IQSEC1: variants seen among roughly 807,000 people sequenced by gnomAD.
IQSEC1 encodes IQ motif and SEC7 domain-containing protein 1.
A neutral mutation model predicts 91.0 loss-of-function variants in IQSEC1; 31 were observed. The observed-to-expected ratio is 0.34, with a 90% CI of 0.26 to 0.46. IQSEC1 has a LOEUF of 0.46. IQSEC1 is among the 20% of genes least tolerant of loss of function. The probability of loss-of-function intolerance (pLI) is 1.00; values close to 1 mark genes in which losing one functional copy is unlikely to be tolerated. For missense variants in IQSEC1, 1,388 were observed against 1,575.6 expected, an observed-to-expected ratio of 0.88 and a Z score of 2.02; for synonymous variants, 699 against 662.6, an observed-to-expected ratio of 1.05 and a Z score of -0.84.
In IQSEC1 at chr3:13,020,012, C is replaced by T. The variant is rs139311025; in HGVS notation, c.23+52980G>A. Among the ~76,000 whole-genome samples the T allele has an allele frequency of 1.7e-3, 266 of 152,338 alleles. 1 individual carries two copies. The highest frequency in any genetic ancestry group is 6.8e-3 in the Middle Eastern group (2 of 294). ...CAAACGGCAGCCAAGAGGGAGCGAG[C>T]GAATCACCCTTGGACAGGGCACAGC... On this transcript the variant is annotated intron_variant, in intron 1 of 13. Transcript: ENST00000613206.
At chr3:12,980,951 C>A (rs1701422874) in intron 1 of IQSEC1, among the ~76,000 whole-genome samples, 1 of 152,226 alleles carries the variant, frequency 6.6e-6, no homozygotes, top group African/African-American at 2.4e-5. Context: ...TATACTCCTT[C>A]CCTCTGCACT....
intron 1 of IQSEC1, among the ~76,000 whole-genome samples, chr3:13,277,177 C>T (rs542562337): frequency 8.7e-6 from 1 of 114,982 alleles, no homozygotes; most frequent in South Asian, 3.0e-4. Flanking sequence ...GCTGTCAAAA[C>T]AATGTCATAG....
intron 1 of IQSEC1, among the ~76,000 whole-genome samples, chr3:13,164,610 T>C (rs1369697590): frequency 6.6e-6 from 1 of 152,212 alleles, no homozygotes. Flanking sequence ...TATTTTCAAG[T>C]ACTCAGAAAT....
intron 2 of IQSEC1, among the ~76,000 whole-genome samples, chr3:13,137,153 T>G (rs779419188): frequency 2.6e-5 from 4 of 152,142 alleles, no homozygotes; most frequent in South Asian, 4.2e-4. Context: ...AATCATTTTG[T>G]CATTTTCTTG....
intron 2 of IQSEC1, among the ~76,000 whole-genome samples, chr3:13,086,761 G>A (rs1705742662): frequency 6.6e-6 from 1 of 152,164 alleles, no homozygotes; most frequent in Admixed American, 6.5e-5. Context: ...ACCTGCAAGG[G>A]AGGCCTTCCT....
At chr3:13,153,926 C>T (rs1313838009) in intron 2 of IQSEC1, among the ~76,000 whole-genome samples, 1 of 152,086 alleles carries the variant, frequency 6.6e-6, no homozygotes, top group East Asian at 1.9e-4. Context: ...GTGCCTGTGG[C>T]AAACTGGACG....
At chr3:13,181,113 T>C (rs357147) in intron 1 of IQSEC1, among the ~76,000 whole-genome samples, 103,480 of 151,998 alleles carry the variant, frequency 0.68, 35,352 homozygotes, top group South Asian at 0.7. Flanking sequence ...CTACTAAAAA[T>C]ACAAAAAATT....
In IQSEC1 at chr3:12,961,383, C is replaced by CT. The variant is rs1350113327; in HGVS notation, c.24-19519dup. 2.0e-5 allele frequency among the ~76,000 whole-genome samples: 3 copies of CT among 152,390 alleles called. No homozygotes were observed. In the East Asian group the frequency reaches 5.8e-4, roughly 29 times the overall value. ...TCATCCCAGCCCAACTGCAAGCTGC[C>CT]TTACTTTGCAATTTCCCCAATCCAC... On this transcript the variant is annotated intron_variant, in intron 1 of 13. Transcript: ENST00000613206.
intron 2 of IQSEC1, among the ~76,000 whole-genome samples, chr3:13,118,968 G>A (rs1171435420): frequency 6.6e-6 from 1 of 152,032 alleles, no homozygotes; most frequent in Non-Finnish European, 1.5e-5. Context: ...AGCTACTTGG[G>A]AAGCTGAGGC....
chr3:13,030,476 G>C (rs1006347618), intron 1 of IQSEC1, among the ~76,000 whole-genome samples: 1 of 152,156 alleles, frequency 6.6e-6, no homozygotes, highest in African/African-American at 2.4e-5. Context: ...AAAATCAACT[G>C]GCTTAAAAAA....
chr3:13,243,400 AG>A (rs1695053302), intron 1 of IQSEC1, among the ~76,000 whole-genome samples: 1 of 152,120 alleles, frequency 6.6e-6, no homozygotes, highest in Non-Finnish European at 1.5e-5. Flanking sequence ...CGGAGGCCCC[AG>A]GGCCACAAGC....
intron 1 of IQSEC1, among the ~76,000 whole-genome samples, chr3:13,029,833 C>T (rs926955400): frequency 1.3e-5 from 2 of 152,240 alleles, no homozygotes; most frequent in Admixed American, 6.5e-5. Context: ...GGCCTCCCTG[C>T]CTCCTTTCCT....
intron 2 of IQSEC1, among the ~76,000 whole-genome samples, chr3:13,117,569 CAAAAAAA>C (rs34002295): frequency 9.3e-3 from 88 of 9,442 alleles, no homozygotes; most frequent in African/African-American, 0.036. Context: ...GACTCCGTCT[CAAAAAAA>C]AAAAAAAAAA....
chr3:13,075,384 C>T (rs150342182), upstream of IQSEC1, among the ~76,000 whole-genome samples: 313 of 152,316 alleles, frequency 2.1e-3, no homozygotes, highest in Admixed American at 3.9e-3. Context: ...CACAGCCTGG[C>T]TCGGGCTAGA....
chr3:13,169,653 G>C (rs958008223), intron 1 of IQSEC1, among the ~76,000 whole-genome samples: 1 of 152,248 alleles, frequency 6.6e-6, no homozygotes, highest in Non-Finnish European at 1.5e-5. Flanking sequence ...GTCTCAGATG[G>C]AGATGAGAAA....
intron 12 of IQSEC1, 90 bp from the exon 13 acceptor site, chr3:12,902,912 G>T: frequency 2.0e-6 from 2 of 989,010 alleles, no homozygotes; most frequent in Non-Finnish European, 3.2e-6. Flanking sequence ...CACGGAGCCT[G>T]CACCCCTGCT....
At chr3:12,919,013 CAG>C (rs1052850002) in intron 6 of IQSEC1, among the ~76,000 whole-genome samples, 3 of 152,170 alleles carry the variant, frequency 2.0e-5, no homozygotes, top group African/African-American at 7.2e-5. Context: ...CAGCCTGCAT[CAG>C]GGGTCATGCG....
At position 13,073,130 on chromosome 3, in the gene IQSEC1, C is replaced by T; in HGVS notation, c.-116G>A. The T allele has an allele frequency of 9.3e-7, 1 of 1,076,008 alleles. No individual in the cohort carries two copies. Among genetic ancestry groups the T allele is most frequent in the South Asian group, 1.4e-5 (1 of 73,848 alleles). The allele number at this position is 1,076,008 out of a possible 1,614,324, so 66.7% of individuals were successfully genotyped here. A position where few individuals can be genotyped will look rare whatever the true frequency, so the allele number is the denominator to read the frequency against. On this transcript the variant is annotated 5_prime_UTR_variant, in exon 1 of 14. Transcript: ENST00000613206. ...AGTGGAGGGGAATAAAATTAAATCGCGGGGCGAGTCACATTCCCGGGGGTG... is the reference window on the plus strand; with the variant it reads ...AGTGGAGGGGAATAAAATTAAATCGTGGGGCGAGTCACATTCCCGGGGGTG...
At chr3:13,253,459 G>A (rs1304950069) in intron 1 of IQSEC1, among the ~76,000 whole-genome samples, 1 of 152,182 alleles carries the variant, frequency 6.6e-6, no homozygotes, top group East Asian at 1.9e-4. Context: ...GGTGACACTG[G>A]ACAGGGGGTT....
Sources: gnomAD v4.1 joint callset for allele counts (sites outside exome capture counted in the v4.1 genomes callset) on GRCh38, gnomAD v4.1.1 for gene constraint, MANE v1.5 for transcripts, NCBI Gene and HGNC (gene_info 2026-07-23, HGNC 2026-07-21) for gene names.